RTKN2: variants seen among roughly 807,000 people sequenced by gnomAD.
RTKN2 encodes the protein rhotekin 2.
Under a neutral mutation model 71.5 loss-of-function variants are expected in RTKN2, and 69 were observed. That is an observed-to-expected ratio of 0.96 (90% CI 0.79 to 1.18). The LOEUF is 1.18. RTKN2 is among the 50% of genes most tolerant of loss of function. The pLI is 0.00. For missense variants in RTKN2, 724 were observed against 719.7 expected, an observed-to-expected ratio of 1.01 and a Z score of -0.07; for synonymous variants, 236 against 236.5, an observed-to-expected ratio of 1.00 and a Z score of 0.02.
At chr10:62,218,917 C>A (rs550991932) in intron 7 of RTKN2, among the ~76,000 whole-genome samples, 2 of 152,034 alleles carry the variant, frequency 1.3e-5, no homozygotes, top group Admixed American at 6.6e-5. Context: ...GCCCAGGAGG[C>A]GGAGGTTGCA....
chr10:62,197,718 C>T lies in RTKN2; in HGVS notation c.*190G>A. 2.1e-6 allele frequency: 3 copies of T among 1,404,092 alleles called. No individual in the cohort carries two copies. Among genetic ancestry groups the T allele is most frequent in the Non-Finnish European group, 2.8e-6 (3 of 1,085,302 alleles). 87.0% of individuals were successfully genotyped at this position (1,404,092 alleles called of 1,614,324 possible). On this transcript the variant is annotated 3_prime_UTR_variant, in exon 12 of 12. Transcript: ENST00000373789. ...TGCACACTGCTGGAGAAATCACTTA[C>T]ATTCTGCAAATCAGGAGTAAAAGAG...
intron 2 of RTKN2, among the ~76,000 whole-genome samples, chr10:62,259,458 T>C (rs1452605696): frequency 6.6e-6 from 1 of 152,190 alleles, no homozygotes; most frequent in Non-Finnish European, 1.5e-5. Context: ...GCTTCCTCCT[T>C]CCTTTTCATC....
At chr10:62,208,850 T>C (rs1391738616) in intron 9 of RTKN2, among the ~76,000 whole-genome samples, 1 of 152,204 alleles carries the variant, frequency 6.6e-6, no homozygotes, top group African/African-American at 2.4e-5. Context: ...ACAATGCTCA[T>C]CAGTGGTTGT....
intron 2 of RTKN2, among the ~76,000 whole-genome samples, chr10:62,246,284 C>T (rs1258374399): frequency 6.6e-6 from 1 of 151,984 alleles, no homozygotes; most frequent in Non-Finnish European, 1.5e-5. Context: ...ACTTTATATT[C>T]CTTGATGACT....
At chr10:62,233,026 C>T (rs529330522) in intron 6 of RTKN2, among the ~76,000 whole-genome samples, 4 of 152,244 alleles carry the variant, frequency 2.6e-5, no homozygotes, top group African/African-American at 4.8e-5. Flanking sequence ...TTAAGAAGCA[C>T]ATTCATTGTT....
In RTKN2 at chr10:62,265,576, GT is replaced by G. The variant is rs11403722; in HGVS notation, c.61-2756del. On this transcript the variant is annotated intron_variant, in intron 1 of 11. Coordinates refer to ENST00000373789, the MANE Select transcript of RTKN2 (RefSeq NM_145307.4). ...GTTTTCAATGTATTCTGAGCTGTTG[GT>G]TTTTTTTTTTTTCTTAAGGCTACTG... is the stretch of plus-strand genomic sequence containing the variant. 1.6e-4 allele frequency among the ~76,000 whole-genome samples: 23 copies of G among 146,464 alleles called. No homozygotes were observed. In the East Asian group the frequency reaches 2.4e-3, roughly 15 times the overall value.
chr10:62,195,252 T>G lies in RTKN2; in HGVS notation c.*2656A>C, dbSNP rs1841299669. The G allele has an allele frequency of 1.0e-6, 1 of 981,614 alleles. No individual in the cohort carries two copies. The highest frequency in any genetic ancestry group is 1.7e-5 in the African/African-American group (1 of 57,164). The allele number at this position is 981,614 out of a possible 1,614,324, so 60.8% of individuals were successfully genotyped here. A position where few individuals can be genotyped will look rare whatever the true frequency, so the allele number is the denominator to read the frequency against. ...TTATCAAGAGCTGACAGCTAACTCT[T>G]TGTTTCAAGTTTATAGTCTTCATAT... On this transcript the variant is annotated 3_prime_UTR_variant, in exon 12 of 12. Transcript: ENST00000373789.
At chr10:62,208,797 AAT>A (rs1169197961) in intron 9 of RTKN2, among the ~76,000 whole-genome samples, 1 of 152,210 alleles carries the variant, frequency 6.6e-6, no homozygotes, top group East Asian at 1.9e-4. Context: ...CGAATGTAAA[AAT>A]ACTACCAGTT....
intron 2 of RTKN2, among the ~76,000 whole-genome samples, chr10:62,261,470 T>C (rs558658648): frequency 6.6e-5 from 10 of 151,722 alleles, no homozygotes. Context: ...TGAAACCCCA[T>C]CTCTACTAAA....
rs748704854 is a variant in RTKN2, at chr10:62,245,998, C to T, written c.316+1G>A. The T allele has an allele frequency of 5.7e-6, 9 of 1,565,756 alleles. No homozygotes were observed. In the African/African-American group the frequency reaches 8.2e-5, roughly 14 times the overall value. ...ATATAAAAGATTCATTTATAGCATA[C>T]CTGATATGGCAATCTTTCCTTTACA... On this transcript the variant is annotated splice_donor_variant, in intron 3 of 11. Coordinates refer to ENST00000373789, the MANE Select transcript of RTKN2 (RefSeq NM_145307.4). LOFTEE classifies it high-confidence loss of function.
chr10:62,264,370 A>C (rs1842831575), intron 1 of RTKN2, among the ~76,000 whole-genome samples: 1 of 152,222 alleles, frequency 6.6e-6, no homozygotes, highest in African/African-American at 2.4e-5. Context: ...TTGTAACTCA[A>C]AACTGGTGTA....
At position 62,196,680 on chromosome 10, in the gene RTKN2, C is replaced by T. The variant is rs756321180; in HGVS notation, c.*1228G>A. The T allele has an allele frequency of 5.1e-5, 50 of 984,986 alleles. No homozygotes were observed. The highest frequency in any genetic ancestry group is 6.0e-5 in the Non-Finnish European group (50 of 829,686). The allele number at this position is 984,986 out of a possible 1,614,324, so 61.0% of individuals were successfully genotyped here. A position where few individuals can be genotyped will look rare whatever the true frequency, so the allele number is the denominator to read the frequency against. ...CTTAAATTTTTATTTCTTGCAATGACATTTAGGGTTCAGTGTGATTTGAGA... is the reference window on the plus strand; with the variant it reads ...CTTAAATTTTTATTTCTTGCAATGATATTTAGGGTTCAGTGTGATTTGAGA... On this transcript the variant is annotated 3_prime_UTR_variant, in exon 12 of 12. Coordinates refer to ENST00000373789, the MANE Select transcript of RTKN2 (RefSeq NM_145307.4).
At chr10:62,226,998 T>C (rs1293537932) in intron 6 of RTKN2, among the ~76,000 whole-genome samples, 1 of 152,164 alleles carries the variant, frequency 6.6e-6, no homozygotes, top group Non-Finnish European at 1.5e-5. Context: ...TGATAACACA[T>C]TATAACGTTT....
At chr10:62,246,387 T>C (rs528112807) in intron 2 of RTKN2, among the ~76,000 whole-genome samples, 42 of 152,198 alleles carry the variant, frequency 2.8e-4, no homozygotes, top group African/African-American at 9.6e-4. Flanking sequence ...AGAAGTATAA[T>C]ACCTTAGATC....
Position 62,195,858 on chromosome 10 carries a change from A to G in RTKN2, c.*2050T>C. The G allele has an allele frequency of 4.1e-6, 4 of 985,352 alleles. No homozygotes were observed. The highest frequency in any genetic ancestry group is 4.8e-6 in the Non-Finnish European group (4 of 829,940). The allele number at this position is 985,352 out of a possible 1,614,324, so 61.0% of individuals were successfully genotyped here. A position where few individuals can be genotyped will look rare whatever the true frequency, so the allele number is the denominator to read the frequency against. ...CTCAGGCTTTTAAATGGTTCTAGGT[A>G]AAAAGGGCTTCAGTCCTGTTTCAAA... On this transcript the variant is annotated 3_prime_UTR_variant, in exon 12 of 12. Transcript: ENST00000373789.
At chr10:62,252,891 T>TATATATAAA (rs1842608337) in intron 2 of RTKN2, among the ~76,000 whole-genome samples, 1 of 152,026 alleles carries the variant, frequency 6.6e-6, no homozygotes, top group Non-Finnish European at 1.5e-5. Context: ...TTATAGTAAC[T>TATATATAAA]ACTATGACTT....
intron 1 of RTKN2, among the ~76,000 whole-genome samples, chr10:62,265,090 TAA>T (rs1478018209): frequency 1.1e-5 from 1 of 94,498 alleles, no homozygotes; most frequent in East Asian, 4.1e-4. Context: ...AAAGAAAATG[TAA>T]AGTCAGGATT....
chr10:62,264,169 C>G (rs1842827750), intron 1 of RTKN2, among the ~76,000 whole-genome samples: 1 of 152,042 alleles, frequency 6.6e-6, no homozygotes, highest in Non-Finnish European at 1.5e-5. Context: ...ACAACCTTTT[C>G]AAAAAGAAAA....
Position 62,197,494 on chromosome 10 carries a change from C to A in RTKN2, c.*414G>T. ...CTATAATTTGTGGTTTGAATAAAAC[C>A]TTTGAAACATTCCATTAGTATTAAA... On this transcript the variant is annotated 3_prime_UTR_variant, in exon 12 of 12. Coordinates refer to ENST00000373789, the MANE Select transcript of RTKN2 (RefSeq NM_145307.4). The A allele has an allele frequency of 3.0e-6, 3 of 987,722 alleles. No homozygotes were observed. The highest frequency in any genetic ancestry group is 3.6e-6 in the Non-Finnish European group (3 of 831,128). 61.2% of individuals were successfully genotyped at this position (987,722 alleles called of 1,614,324 possible).
Sources: gnomAD v4.1 joint callset for allele counts (sites outside exome capture counted in the v4.1 genomes callset) on GRCh38, gnomAD v4.1.1 for gene constraint, MANE v1.5 for transcripts, NCBI Gene and HGNC (gene_info 2026-07-23, HGNC 2026-07-21) for gene names.